MBP: variants seen among roughly 807,000 people sequenced by gnomAD.
MBP encodes Golli-MBP.
MBP carries 16 observed loss-of-function variants against 35.8 expected under a neutral mutation model. The observed-to-expected ratio is 0.45, with a 90% CI of 0.30 to 0.68. The LOEUF is 0.68. MBP is among the 30% of genes least tolerant of loss of function. The pLI is 0.08. For synonymous variants in MBP, 143 were observed against 159.6 expected (o/e 0.90, Z 0.78); for missense variants, 380 against 404.7 (o/e 0.94, Z 0.52).
chr18:77,124,441 C>T (rs1046199328), intron 1 of MBP, among the ~76,000 whole-genome samples: 4 of 148,960 alleles, frequency 2.7e-5, no homozygotes, highest in Non-Finnish European at 6.0e-5. Flanking sequence ...ACGCCTCCCA[C>T]CCCCCACCCC....
chr18:77,094,100 C>T (rs996966174), intron 2 of MBP, among the ~76,000 whole-genome samples: 37 of 152,116 alleles, frequency 2.4e-4, no homozygotes, highest in African/African-American at 7.2e-4. Context: ...CCTCAGCCTC[C>T]GGAGTAGCTG....
At position 77,101,733 on chromosome 18, in the gene MBP, C is replaced by A. The variant is rs993773218; in HGVS notation, c.51+3478G>T. On this transcript the variant is annotated intron_variant, in intron 2 of 8. Coordinates refer to ENST00000355994, the MANE Select transcript of MBP (RefSeq NM_001025101.2). The surrounding 1 kb of genome is among the most constrained non-coding windows in gnomAD (Gnocchi z 4.3). Reference sequence around the variant, plus strand: ...CTCTTCCTCTTACATCCTGCCGTGGCTTATTCGGGATGAGAGAGAAGCAAA... The same window carrying A: ...CTCTTCCTCTTACATCCTGCCGTGGATTATTCGGGATGAGAGAGAAGCAAA... Among the ~76,000 whole-genome samples, 1 of 152,100 alleles carries A rather than the reference C, an allele frequency of 6.6e-6. No individual in the cohort carries two copies. The highest frequency in any genetic ancestry group is 1.5e-5 in the Non-Finnish European group (1 of 68,012).
chr18:77,003,794 G>C (rs1262146117), intron 4 of MBP: 1 of 152,116 alleles, frequency 6.6e-6, no homozygotes, highest in Non-Finnish European at 1.5e-5. Context: ...CAGAAACCTT[G>C]TTTAAGTGAT....
intron 1 of MBP, among the ~76,000 whole-genome samples, chr18:77,124,430 C>A (rs1053035164): frequency 2.0e-5 from 3 of 151,860 alleles, no homozygotes; most frequent in Non-Finnish European, 4.4e-5. Context: ...TTCTGGCCAC[C>A]ACGCCTCCCA....
At chr18:77,029,381 G>A (rs1463535876) in intron 3 of MBP, among the ~76,000 whole-genome samples, 3 of 143,882 alleles carry the variant, frequency 2.1e-5, no homozygotes, top group Non-Finnish European at 3.0e-5. Context: ...GCTTCGGCTC[G>A]GCATCAGAGG....
At chr18:77,086,629 A>G (rs1322937545) in intron 2 of MBP, among the ~76,000 whole-genome samples, 1 of 152,208 alleles carries the variant, frequency 6.6e-6, no homozygotes, top group Non-Finnish European at 1.5e-5. Flanking sequence ...TTCATGAAAC[A>G]ATACTTCTAT....
At chr18:77,109,250 G>A (rs1340129980) in intron 1 of MBP, 1 of 152,190 alleles carries the variant, frequency 6.6e-6, no homozygotes, top group East Asian at 1.9e-4. Context: ...AACTGACAAG[G>A]TCAAGGGAAG....
In MBP at chr18:77,020,216, G is replaced by A. The variant is rs1971937090; in HGVS notation, c.140-2948C>T. 6.6e-6 allele frequency among the ~76,000 whole-genome samples: 1 copy of A among 152,068 alleles called. No homozygotes were observed. Among genetic ancestry groups the A allele is most frequent in the African/African-American group, 2.4e-5 (1 of 41,408 alleles). On this transcript the variant is annotated intron_variant, in intron 3 of 8. Coordinates refer to ENST00000355994, the MANE Select transcript of MBP (RefSeq NM_001025101.2). The surrounding 1 kb of genome is among the most constrained non-coding windows in gnomAD (Gnocchi z 4.1). ...AGGGACAGGGACTGGGAGTCTGGCTGGGACACTAAGGAAAGAAAGGTCTCT... is the reference window on the plus strand; with the variant it reads ...AGGGACAGGGACTGGGAGTCTGGCTAGGACACTAAGGAAAGAAAGGTCTCT...
intron 1 of MBP, among the ~76,000 whole-genome samples, chr18:77,116,546 A>C (rs1195554576): frequency 6.6e-6 from 1 of 152,240 alleles, no homozygotes; most frequent in Non-Finnish European, 1.5e-5. Context: ...GCAACAGGTC[A>C]GAAGTATAGC....
chr18:77,027,978 TA>T (rs2123565111), intron 3 of MBP, among the ~76,000 whole-genome samples: 1 of 119,682 alleles, frequency 8.4e-6, no homozygotes, highest in East Asian at 2.7e-4. Context: ...CTGCCCCAGC[TA>T]ATTTTTATTT....
chr18:77,069,111 A>G (rs1974325535), intron 2 of MBP: 1 of 455,950 alleles, frequency 2.2e-6, no homozygotes, highest in African/African-American at 2.0e-5. Context: ...GATGCGGTGA[A>G]TACTGTGAGA....
chr18:77,036,177 G>A (rs1353902340), intron 3 of MBP, among the ~76,000 whole-genome samples: 1 of 136,366 alleles, frequency 7.3e-6, no homozygotes, highest in Non-Finnish European at 1.6e-5. Context: ...ACTGAGCTGA[G>A]CAAGTGCTGG....
intron 1 of MBP, chr18:77,114,675 G>C (rs563234240): frequency 6.6e-6 from 1 of 152,306 alleles, no homozygotes; most frequent in Non-Finnish European, 1.5e-5. Flanking sequence ...CGGATGGCAC[G>C]GGGAGGGCAG....
At chr18:77,039,968 C>T (rs979412035) in intron 3 of MBP, among the ~76,000 whole-genome samples, 7 of 152,176 alleles carry the variant, frequency 4.6e-5, no homozygotes, top group Admixed American at 1.3e-4. Context: ...AGCATGACTG[C>T]GCATGCACTT....
chr18:77,069,779 C>T (rs1043634135), intron 2 of MBP, among the ~76,000 whole-genome samples: 5 of 152,166 alleles, frequency 3.3e-5, no homozygotes, highest in Non-Finnish European at 7.4e-5. Context: ...CTTGTGCACA[C>T]GTTGGTCCCA....
intron 1 of MBP, chr18:77,114,181 A>G (rs917437246): frequency 6.6e-6 from 1 of 152,238 alleles, no homozygotes; most frequent in African/African-American, 2.4e-5. Flanking sequence ...TAGCAGATTC[A>G]GGTAGATTTA....
chr18:77,025,705 C>CTTTTTTTTTTTT lies in MBP; in HGVS notation c.140-8449_140-8438dup, dbSNP rs540022394. Among the ~76,000 whole-genome samples, 37 of 108,794 alleles carry CTTTTTTTTTTTT rather than the reference C, an allele frequency of 3.4e-4. 2 individuals are homozygous for CTTTTTTTTTTTT. Among genetic ancestry groups the CTTTTTTTTTTTT allele is most frequent in the African/African-American group, 1.1e-3 (27 of 24,562 alleles). The allele number at this position is 108,794 out of a possible 152,430, so 71.4% of individuals were successfully genotyped here. Reference sequence around the variant, plus strand: ...GCGGACACTGTCCTCTATTGAAATACTTTTTTTTTTTTTTTTTTTTACCTA... The same window carrying CTTTTTTTTTTTT: ...GCGGACACTGTCCTCTATTGAAATACTTTTTTTTTTTTTTTTTTTTTTTTTTTTTTTTACCTA... On this transcript the variant is annotated intron_variant, in intron 3 of 8. Coordinates refer to ENST00000355994, the MANE Select transcript of MBP (RefSeq NM_001025101.2).
At chr18:77,037,154 CATTTT>C (rs1972808216) in intron 3 of MBP, among the ~76,000 whole-genome samples, 4 of 146,900 alleles carry the variant, frequency 2.7e-5, no homozygotes, top group Non-Finnish European at 6.0e-5. Context: ...GTGCTGATCA[CATTTT>C]GGAGACAGAG....
At chr18:77,062,504 A>T (rs1467139651) in intron 3 of MBP, among the ~76,000 whole-genome samples, 1 of 51,314 alleles carries the variant, frequency 1.9e-5, no homozygotes, top group Non-Finnish European at 4.3e-5. Context: ...ATAACCAGAA[A>T]GCTGTCGAAA....
Sources: allele counts gnomAD v4.1 joint callset (sites outside exome capture counted in the v4.1 genomes callset), GRCh38; gene constraint gnomAD v4.1.1; non-coding constraint Gnocchi (gnomAD v3.1); transcripts MANE v1.5; gene names NCBI Gene and HGNC (gene_info 2026-07-23, HGNC 2026-07-21).